The following DDO variants were observed in gnomAD, a reference collection of about 807,000 sequenced individuals.
The protein encoded by DDO is D-aspartate oxidase, also known as D-aspartate oxidase, DDO.
DDO carries 16 observed loss-of-function variants against 16.8 expected under a neutral mutation model. The observed-to-expected ratio is 0.95, with a 90% CI of 0.65 to 1.45. The LOEUF (loss-of-function observed/expected upper bound fraction) is 1.45, where lower values mean the gene tolerates loss of function less well. DDO is among the 40% of genes most tolerant of loss of function. The pLI, the probability that DDO is intolerant of heterozygous loss-of-function variation, is 0.00. For synonymous variants in DDO, 180 were observed against 167.2 expected, an observed-to-expected ratio of 1.08 and a Z score of -0.59; for missense variants, 429 against 420.3, an observed-to-expected ratio of 1.02 and a Z score of -0.18.
At chr6:110,412,921 A>G (rs1272112454) in intron 2 of DDO, among the ~76,000 whole-genome samples, 3 of 152,192 alleles carry the variant, frequency 2.0e-5, no homozygotes, top group African/African-American at 7.2e-5. Context: ...AGGGGGATGA[A>G]TCGCTTGAGG....
chr6:110,404,003 A>C (rs1309522171), intron 4 of DDO, among the ~76,000 whole-genome samples: 1 of 152,216 alleles, frequency 6.6e-6, no homozygotes, highest in Non-Finnish European at 1.5e-5. Context: ...CACTTTCCCA[A>C]CATTTACACA....
intron 1 of DDO, 93 bp downstream of exon 1, chr6:110,415,374 C>A: frequency 6.6e-7 from 1 of 1,523,624 alleles, no homozygotes; most frequent in Non-Finnish European, 8.9e-7. Context: ...AGTGGCCTGT[C>A]CATCACTGTC....
intron 1 of DDO, among the ~76,000 whole-genome samples, chr6:110,414,939 G>A (rs1471397877): frequency 1.3e-5 from 2 of 152,154 alleles, no homozygotes; most frequent in East Asian, 3.9e-4. Flanking sequence ...GGTTGTTAGT[G>A]GCCTCTGCTT....
At chr6:110,403,791 A>T (rs557631551) in intron 4 of DDO, among the ~76,000 whole-genome samples, 52 of 152,268 alleles carry the variant, frequency 3.4e-4, no homozygotes, top group African/African-American at 1.2e-3. Context: ...GCAAACACAT[A>T]CACACACAGT....
chr6:110,407,319 T>C (rs1773691410), intron 3 of DDO, among the ~76,000 whole-genome samples: 1 of 152,206 alleles, frequency 6.6e-6, no homozygotes, highest in African/African-American at 2.4e-5. Flanking sequence ...GATTTAGTTA[T>C]ACAGAAGAAT....
downstream of DDO, among the ~76,000 whole-genome samples, chr6:110,389,318 A>G (rs776493732): frequency 6.6e-6 from 1 of 152,108 alleles, no homozygotes; most frequent in Non-Finnish European, 1.5e-5. Context: ...TCCAGCTTAC[A>G]GACAGCAGAT....
At position 110,392,289 on chromosome 6, in the gene DDO, C is replaced by G. The variant is rs142813470; in HGVS notation, c.*486G>C. On this transcript the variant is annotated 3_prime_UTR_variant, in exon 5 of 5. Transcript: ENST00000368924. ...GACAGTGATTTAAATGTTTTCCATA[C>G]ATTATCTCCTCCTGTGGATTTATAA... is the stretch of plus-strand genomic sequence containing the variant. 5 of 985,534 alleles carry G rather than the reference C, an allele frequency of 5.1e-6. No individual in the cohort carries two copies. In the African/African-American group the frequency reaches 8.7e-5, roughly 17 times the overall value. 61.0% of individuals were successfully genotyped at this position (985,534 alleles called of 1,614,324 possible). A position where few individuals can be genotyped will look rare whatever the true frequency, so the allele number is the denominator to read the frequency against.
chr6:110,404,624 T>C, intron 4 of DDO, 150 bp downstream of exon 4: 1 of 710,260 alleles, frequency 1.4e-6, no homozygotes, highest in South Asian at 2.0e-5. Flanking sequence ...TCAGATTGTT[T>C]TACAAAGCCC....
chr6:110,400,256 A>G (rs1326564606), intron 4 of DDO, among the ~76,000 whole-genome samples: 1 of 151,734 alleles, frequency 6.6e-6, no homozygotes, highest in African/African-American at 2.4e-5. Context: ...ATAACATTTG[A>G]TTCGGTGTGG....
intron 4 of DDO, among the ~76,000 whole-genome samples, chr6:110,398,424 A>AC (rs71018389): frequency 9.5e-4 from 134 of 140,326 alleles, no homozygotes; most frequent in African/African-American, 3.1e-3. Context: ...ACACACACAC[A>AC]CACTTGGCCT....
At chr6:110,407,451 A>C (rs1055854066) in intron 3 of DDO, among the ~76,000 whole-genome samples, 1 of 152,206 alleles carries the variant, frequency 6.6e-6, no homozygotes, top group African/African-American at 2.4e-5. Context: ...GAAAAAGGGT[A>C]GAAATTCACC....
At chr6:110,406,718 C>A (rs1365451940) in intron 3 of DDO, among the ~76,000 whole-genome samples, 1 of 152,158 alleles carries the variant, frequency 6.6e-6, no homozygotes, top group East Asian at 1.9e-4. Context: ...AATGCTGTCT[C>A]CTTCGTCTCC....
In DDO at chr6:110,414,951, C is replaced by CA. The variant is rs201482992; in HGVS notation, c.-5+515_-5+516insT. ...CTTGGTTGTTAGTGGCCTCTGCTTT[C>CA]TCTTCCAGTTCTGAAGATTCTCGCA... On this transcript the variant is annotated intron_variant, in intron 1 of 4. Transcript: ENST00000368924. 8.1e-3 allele frequency among the ~76,000 whole-genome samples: 1,239 copies of CA among 152,380 alleles called. 42 individuals are homozygous for CA. In the East Asian group the frequency reaches 0.12, roughly 14 times the overall value.
intron 4 of DDO, among the ~76,000 whole-genome samples, chr6:110,394,555 T>C: frequency 6.6e-6 from 1 of 152,224 alleles, no homozygotes; most frequent in East Asian, 1.9e-4. Flanking sequence ...AATGCTTGCA[T>C]GCGGGGCACT....
At chr6:110,410,030 C>T (rs1347935178) in intron 2 of DDO, among the ~76,000 whole-genome samples, 1 of 151,962 alleles carries the variant, frequency 6.6e-6, no homozygotes, top group Non-Finnish European at 1.5e-5. Context: ...GTTCTAAATG[C>T]TTTACATGTA....
chr6:110,409,228 C>T (rs1235673937), intron 2 of DDO, among the ~76,000 whole-genome samples: 1 of 152,204 alleles, frequency 6.6e-6, no homozygotes, highest in East Asian at 1.9e-4. Context: ...GCGTTTAAGC[C>T]TCAAAATAAG....
downstream of DDO, among the ~76,000 whole-genome samples, chr6:110,390,673 A>G (rs965925728): frequency 1.3e-5 from 2 of 152,244 alleles, no homozygotes; most frequent in Non-Finnish European, 2.9e-5. Flanking sequence ...TAGTGAACAA[A>G]GGAGTACACT....
In DDO at chr6:110,404,862, G is replaced by C. The variant is rs753712821; in HGVS notation, c.370C>G (p.Leu124Val). Residue 124 changes from leucine to valine, a missense_variant, in exon 4 of 5, where the codon CTG (leucine) becomes GTG (valine). Leu to Val is a conservative substitution (Grantham distance 32, BLOSUM62 1). Coordinates refer to ENST00000368924, the MANE Select transcript of DDO (RefSeq NM_001372108.2). ...LGFRKMTEAE[L>V]KKFPQYVFGQ... Reference sequence around the variant, plus strand: ...AACACATACTGGGGGAATTTCTTCAGCTCAGCCTCAGTCATCTTTCGAAAT... The same window carrying C: ...AACACATACTGGGGGAATTTCTTCACCTCAGCCTCAGTCATCTTTCGAAAT... The C allele has an allele frequency of 6.2e-7, 1 of 1,614,140 alleles. No homozygotes were observed. The highest frequency in any genetic ancestry group is 1.1e-5 in the South Asian group (1 of 91,084).
chr6:110,395,061 A>G (rs749456166), intron 4 of DDO, among the ~76,000 whole-genome samples: 2 of 152,206 alleles, frequency 1.3e-5, no homozygotes, highest in Non-Finnish European at 2.9e-5. Context: ...TGGTTAATTT[A>G]TGTGTCAACT....
Sources: gnomAD v4.1 joint callset for allele counts (sites outside exome capture counted in the v4.1 genomes callset) on GRCh38, gnomAD v4.1.1 for gene constraint, MANE v1.5 for transcripts, NCBI Gene and HGNC (gene_info 2026-07-23, HGNC 2026-07-21) for gene names.